Variants in DTWD2 observed in about 807,000 individuals in gnomAD.
DTWD2 encodes tRNA-uridine aminocarboxypropyltransferase 2.
DTWD2 carries 39 observed loss-of-function variants against 31.8 expected under a neutral mutation model. The observed-to-expected ratio is 1.22, with a 90% confidence interval of 0.95 to 1.60. The LOEUF is 1.60. Among genes scored for constraint, DTWD2 ranks in the 40% most tolerant of loss-of-function variants. The probability of loss-of-function intolerance (pLI) is 0.00; values close to 1 mark genes in which losing one functional copy is unlikely to be tolerated. For synonymous variants in DTWD2, 180 were observed against 142.8 expected (o/e 1.26, Z -1.86); for missense variants, 515 against 381.5 (o/e 1.35, Z -2.92).
At chr5:118,915,023 C>T (rs1027489115) in intron 4 of DTWD2, among the ~76,000 whole-genome samples, 5 of 152,070 alleles carry the variant, frequency 3.3e-5, no homozygotes, top group Non-Finnish European at 7.4e-5. Context: ...GTCCAGGGAT[C>T]GAGACAAACA....
chr5:118,900,788 G>A (rs1330464109), intron 4 of DTWD2, among the ~76,000 whole-genome samples: 2 of 152,082 alleles, frequency 1.3e-5, no homozygotes, highest in East Asian at 3.9e-4. Context: ...AGCCAGGCGT[G>A]GTGGCAGATG....
chr5:118,960,199 G>C (rs535037773), intron 1 of DTWD2, among the ~76,000 whole-genome samples: 3 of 152,142 alleles, frequency 2.0e-5, no homozygotes, highest in Non-Finnish European at 4.4e-5. Flanking sequence ...ATCTGACAAA[G>C]GTCTAATATT....
At chr5:118,899,799 C>CTTTT (rs1163738328) in intron 4 of DTWD2, among the ~76,000 whole-genome samples, 8 of 124,932 alleles carry the variant, frequency 6.4e-5, no homozygotes, top group Admixed American at 1.6e-4. Context: ...TTCGTTTTTT[C>CTTTT]TTTTTTTTTT....
intron 1 of DTWD2, among the ~76,000 whole-genome samples, chr5:118,965,029 G>A (rs1432744897): frequency 1.3e-5 from 2 of 151,572 alleles, no homozygotes; most frequent in Non-Finnish European, 2.9e-5. Context: ...CGTCTGAGAT[G>A]TGGGGAGCAC....
At chr5:118,873,569 G>A (rs980445505) in intron 4 of DTWD2, among the ~76,000 whole-genome samples, 1 of 152,210 alleles carries the variant, frequency 6.6e-6, no homozygotes, top group Non-Finnish European at 1.5e-5. Flanking sequence ...GCTGGTACAT[G>A]TCTGCATGGT....
chr5:118,880,268 A>T (rs922499507), intron 4 of DTWD2, among the ~76,000 whole-genome samples: 4 of 152,196 alleles, frequency 2.6e-5, no homozygotes, highest in African/African-American at 4.8e-5. Context: ...TATGTCTTAT[A>T]ATAAACAGAA....
chr5:118,900,391 T>G (rs1318559652), intron 4 of DTWD2, among the ~76,000 whole-genome samples: 12 of 152,184 alleles, frequency 7.9e-5, no homozygotes, highest in Admixed American at 7.9e-4. Context: ...TCTAAATCAG[T>G]AGATGTAAAC....
intron 4 of DTWD2, among the ~76,000 whole-genome samples, chr5:118,916,288 C>T (rs566346866): frequency 6.6e-6 from 1 of 152,132 alleles, no homozygotes; most frequent in South Asian, 2.1e-4. Context: ...GATATGTGGT[C>T]CATGATTATT....
At chr5:118,913,858 CAACT>C (rs1753515336) in intron 4 of DTWD2, among the ~76,000 whole-genome samples, 2 of 152,066 alleles carry the variant, frequency 1.3e-5, no homozygotes, top group South Asian at 4.2e-4. Flanking sequence ...TGATAAAATA[CAACT>C]AACAAAAACT....
chr5:118,866,111 C>T (rs1180343113), intron 4 of DTWD2, among the ~76,000 whole-genome samples: 1 of 151,942 alleles, frequency 6.6e-6, no homozygotes, highest in African/African-American at 2.4e-5. Context: ...TTTAGAACAA[C>T]CAGGCATGAA....
chr5:118,853,294 T>C (rs1490615110), intron 4 of DTWD2, among the ~76,000 whole-genome samples: 1 of 152,198 alleles, frequency 6.6e-6, no homozygotes, highest in East Asian at 1.9e-4. Context: ...TTATACACTG[T>C]TGTTAAGAAT....
In DTWD2 at chr5:118,928,602, CAAT is replaced by C. The variant is rs758741574; in HGVS notation, c.529_531del (p.Ile177del). On this transcript the variant is annotated inframe_deletion, in exon 4 of 6. Coordinates refer to ENST00000510708, the MANE Select transcript of DTWD2 (RefSeq NM_173666.4). ...TCCTTAGCCTGGCTCCATGTACCATCAATGATGATGATTGTAGAAGGATAAACA... is the reference window on the plus strand; with the variant it reads ...TCCTTAGCCTGGCTCCATGTACCATCGATGATGATTGTAGAAGGATAAACA... The C allele has an allele frequency of 6.9e-6, 11 of 1,594,046 alleles. No individual in the cohort carries two copies. The highest frequency in any genetic ancestry group is 1.7e-5 in the Admixed American group (1 of 59,008).
At chr5:118,848,744 T>C (rs1245237543) in intron 4 of DTWD2, among the ~76,000 whole-genome samples, 1 of 152,150 alleles carries the variant, frequency 6.6e-6, no homozygotes, top group Non-Finnish European at 1.5e-5. Flanking sequence ...CATCTGATCT[T>C]TGACAAACCT....
intron 1 of DTWD2, among the ~76,000 whole-genome samples, chr5:118,971,429 G>C (rs1232392813): frequency 1.3e-5 from 2 of 152,146 alleles, no homozygotes; most frequent in East Asian, 3.9e-4. Flanking sequence ...AACAAGGAGA[G>C]CTAACTATCC....
intron 1 of DTWD2, among the ~76,000 whole-genome samples, chr5:118,986,127 TTA>T: frequency 6.6e-6 from 1 of 152,324 alleles, no homozygotes; most frequent in Middle Eastern, 3.4e-3. Flanking sequence ...CTCAGCCTTC[TTA>T]TGTTATCTCA....
intron 4 of DTWD2, among the ~76,000 whole-genome samples, chr5:118,898,038 A>G (rs1241977941): frequency 6.6e-6 from 1 of 151,784 alleles, no homozygotes; most frequent in Non-Finnish European, 1.5e-5. Context: ...TAATTTTTTA[A>G]ACTTTTAGTA....
intron 3 of DTWD2, among the ~76,000 whole-genome samples, chr5:118,935,001 G>C (rs1323424608): frequency 6.6e-6 from 1 of 152,116 alleles, no homozygotes; most frequent in Non-Finnish European, 1.5e-5. Context: ...TTGACTGACA[G>C]CTCCAGGGTG....
At chr5:118,873,667 G>A (rs1179526982) in intron 4 of DTWD2, among the ~76,000 whole-genome samples, 2 of 152,174 alleles carry the variant, frequency 1.3e-5, no homozygotes, top group African/African-American at 2.4e-5. Context: ...CCCTTGGTGG[G>A]CACACAGCCA....
chr5:118,969,559 T>TGGAA (rs1179617808), intron 1 of DTWD2, among the ~76,000 whole-genome samples: 1 of 151,912 alleles, frequency 6.6e-6, no homozygotes, highest in African/African-American at 2.4e-5. Context: ...GGGTCTGGAG[T>TGGAA]GGAACCCCAA....
Sources: allele counts gnomAD v4.1 joint callset (sites outside exome capture counted in the v4.1 genomes callset), GRCh38; gene constraint gnomAD v4.1.1; transcripts MANE v1.5; gene names NCBI Gene and HGNC (gene_info 2026-07-23, HGNC 2026-07-21).